The following WDR41 variants were observed in gnomAD, a reference collection of about 807,000 sequenced individuals.
The protein encoded by WDR41 is WD repeat domain 41, also known as WD repeat-containing protein 41.
A neutral mutation model predicts 69.3 loss-of-function variants in WDR41; 63 were observed. The ratio of observed to expected loss-of-function variants is 0.91; its 90% CI spans 0.74 to 1.12. The LOEUF (loss-of-function observed/expected upper bound fraction) is 1.12, where lower values mean the gene tolerates loss of function less well. Ranked by LOEUF, WDR41 falls within the 50% of genes most tolerant of loss-of-function variation. The pLI is 0.00. For synonymous variants in WDR41, 185 were observed against 192.1 expected, an observed-to-expected ratio of 0.96 and a Z score of 0.31; for missense variants, 543 against 534.5, an observed-to-expected ratio of 1.02 and a Z score of -0.16.
At chr5:77,575,746 C>T (rs1743819601) in intron 1 of WDR41, among the ~76,000 whole-genome samples, 1 of 148,038 alleles carries the variant, frequency 6.8e-6, no homozygotes, top group Non-Finnish European at 1.5e-5. Context: ...GGAAGTATTA[C>T]AAGAGAAACT....
intron 1 of WDR41, among the ~76,000 whole-genome samples, chr5:77,595,025 A>G (rs546582629): frequency 1.3e-3 from 198 of 152,324 alleles, no homozygotes; most frequent in African/African-American, 4.4e-3. Context: ...CTTTTTACAG[A>G]GGAGAGAAAA....
At chr5:77,465,834 T>C (rs1319779157) in intron 2 of WDR41, among the ~76,000 whole-genome samples, 1 of 151,942 alleles carries the variant, frequency 6.6e-6, no homozygotes, top group Non-Finnish European at 1.5e-5. Context: ...TCTGTTCTAA[T>C]GGATTTTTTA....
intron 2 of WDR41, among the ~76,000 whole-genome samples, chr5:77,469,848 C>T (rs1201122860): frequency 6.6e-6 from 1 of 152,134 alleles, no homozygotes; most frequent in Non-Finnish European, 1.5e-5. Flanking sequence ...AGTTGGAAAA[C>T]ACTCTGCAGG....
intron 1 of WDR41, among the ~76,000 whole-genome samples, chr5:77,503,228 A>C (rs908207970): frequency 6.6e-6 from 1 of 150,510 alleles, no homozygotes; most frequent in Non-Finnish European, 1.5e-5. Context: ...TTGCCATCCT[A>C]GTCTCTGATA....
At position 77,436,295 on chromosome 5, in the gene WDR41, A is replaced by G. The variant is rs746180861; in HGVS notation, c.1193T>C (p.Ile398Thr). The change falls in exon 12 of 13, where the codon ATT becomes ACT. Residue 398 changes from isoleucine (I) to threonine (T), a missense_variant. By Grantham distance (89) the Ile-to-Thr change is moderately conservative. Coordinates refer to ENST00000296679, the MANE Select transcript of WDR41 (RefSeq NM_018268.4). The part of the protein sequence containing the change: ...ENATSCSLEL[I>T]GDLIGHSSSV... ...TGATGAGTGTCCAATCAAATCTCCAATAAGCTCCAGTGAACATGAAGTAGC... is the reference window on the plus strand; with the variant it reads ...TGATGAGTGTCCAATCAAATCTCCAGTAAGCTCCAGTGAACATGAAGTAGC... 9.9e-6 allele frequency: 16 copies of G among 1,614,012 alleles called. No individual in the cohort carries two copies. Among genetic ancestry groups the G allele is most frequent in the Middle Eastern group, 1.6e-4 (1 of 6,082 alleles).
In WDR41 at chr5:77,491,221, C is replaced by G. The variant is rs1207316113; in HGVS notation, c.51+949G>C. ...GTAAAAGTCCTTTTCCTGGCTCATC[C>G]TGGCTCAAAAAGCTCCCCTGAGCAC... On this transcript the variant is annotated intron_variant, in intron 1 of 12. Coordinates refer to ENST00000296679, the MANE Select transcript of WDR41 (RefSeq NM_018268.4). 2.5e-5 allele frequency: 10 copies of G among 392,252 alleles called. No homozygotes were observed. In the East Asian group the frequency reaches 4.1e-4, roughly 16 times the overall value. The allele number at this position is 392,252 out of a possible 1,614,324, so 24.3% of individuals were successfully genotyped here.
intron 2 of WDR41, among the ~76,000 whole-genome samples, chr5:77,487,788 G>T (rs1302499893): frequency 2.0e-5 from 3 of 152,170 alleles, no homozygotes; most frequent in Non-Finnish European, 4.4e-5. Context: ...TGGGCTTTCT[G>T]CTACCAGTCA....
At chr5:77,468,833 T>C (rs1191228840) in intron 2 of WDR41, among the ~76,000 whole-genome samples, 1 of 152,154 alleles carries the variant, frequency 6.6e-6, no homozygotes, top group Non-Finnish European at 1.5e-5. Context: ...CATGATCATC[T>C]CATCATTTTT....
At chr5:77,589,190 G>A (rs1285555593) in intron 1 of WDR41, among the ~76,000 whole-genome samples, 2 of 152,124 alleles carry the variant, frequency 1.3e-5, no homozygotes, top group Non-Finnish European at 2.9e-5. Flanking sequence ...ATTTTAGCAG[G>A]TATGTGAATT....
At chr5:77,470,280 A>G (rs936967787) in intron 2 of WDR41, among the ~76,000 whole-genome samples, 7 of 152,218 alleles carry the variant, frequency 4.6e-5, no homozygotes, top group African/African-American at 1.7e-4. Flanking sequence ...TGAAGGAAGC[A>G]CTAAACATGG....
chr5:77,575,824 G>GA (rs1175798785), intron 1 of WDR41, among the ~76,000 whole-genome samples: 2 of 152,014 alleles, frequency 1.3e-5, no homozygotes, highest in African/African-American at 4.8e-5. Flanking sequence ...TGGAGAAATG[G>GA]AAAAAGCAAG....
rs151111940 is a variant in WDR41 at position 77,456,651 on chromosome 5, T to A, written c.411+2411A>T. On this transcript the variant is annotated intron_variant, in intron 5 of 12. Coordinates refer to ENST00000296679, the MANE Select transcript of WDR41 (RefSeq NM_018268.4). ...GCTGACAGCAGACATCCTTATCTTG[T>A]GCCTGATCTTTGGGGGAAATTATTT... Among the ~76,000 whole-genome samples, 1,127 of 152,300 alleles carry A rather than the reference T, an allele frequency of 7.4e-3. 12 individuals are homozygous for A. The highest frequency in any genetic ancestry group is 0.031 in the Middle Eastern group (9 of 294).
chr5:77,453,885 C>G lies in WDR41; in HGVS notation c.455G>C (p.Gly152Ala). The change falls in exon 6 of 13, where the codon GGG becomes GCG. Residue 152 changes from glycine (G) to alanine (A), a missense_variant. Gly to Ala is a moderately conservative substitution (Grantham distance 60, BLOSUM62 0). Coordinates refer to ENST00000296679, the MANE Select transcript of WDR41 (RefSeq NM_018268.4). ...LQRLDVWLSGGNDLCVWNRKL... is the reference protein window; with the variant it reads ...LQRLDVWLSGANDLCVWNRKL... ...TCGGTTCCACACACACAGGTCATTC[C>G]CACCAGAAAGCCAAACATCTAGTCT... The G allele has an allele frequency of 1.9e-6, 3 of 1,614,004 alleles. No homozygotes were observed. Among genetic ancestry groups the G allele is most frequent in the Non-Finnish European group, 2.5e-6 (3 of 1,179,984 alleles).
chr5:77,470,247 C>T (rs1284654193), intron 2 of WDR41, among the ~76,000 whole-genome samples: 2 of 152,072 alleles, frequency 1.3e-5, no homozygotes, highest in African/African-American at 4.8e-5. Flanking sequence ...TTGTCACCAC[C>T]AGGCCTGTCT....
intron 2 of WDR41, among the ~76,000 whole-genome samples, chr5:77,473,746 T>C (rs887403354): frequency 1.3e-5 from 2 of 152,182 alleles, no homozygotes; most frequent in Non-Finnish European, 2.9e-5. Flanking sequence ...CACAATGATA[T>C]ACCATCTCAC....
chr5:77,570,967 ACAG>A (rs1201961819), intron 1 of WDR41, among the ~76,000 whole-genome samples: 2 of 151,352 alleles, frequency 1.3e-5, no homozygotes, highest in African/African-American at 4.9e-5. Flanking sequence ...AACTCAGTTC[ACAG>A]TGTTTTATGA....
chr5:77,483,215 G>A (rs1227599700), intron 2 of WDR41, among the ~76,000 whole-genome samples: 2 of 152,074 alleles, frequency 1.3e-5, no homozygotes, highest in Non-Finnish European at 2.9e-5. Context: ...ACAGCTCACT[G>A]CAGCCTCAAC....
intron 4 of WDR41, among the ~76,000 whole-genome samples, chr5:77,460,445 T>G (rs148272404): frequency 3.0e-4 from 46 of 152,296 alleles, no homozygotes; most frequent in African/African-American, 1.1e-3. Context: ...TTCACTTATT[T>G]CACTATTCAC....
rs537053023 is a variant in WDR41, at chr5:77,592,480, C to T, written c.42+27999G>A. 7.2e-5 allele frequency among the ~76,000 whole-genome samples: 11 copies of T among 152,146 alleles called. No individual in the cohort carries two copies. The East Asian group carries it at 1.3e-3, about 19-fold the overall frequency. On this transcript the variant is annotated intron_variant, in intron 1 of 5. Transcript: ENST00000509971. ...CTGTCTGTGGACTTATTATTTGTGT[C>T]GGCAGATCTCCAGACCACCCTCAGG...
Sources: allele counts gnomAD v4.1 joint callset (sites outside exome capture counted in the v4.1 genomes callset), GRCh38; gene constraint gnomAD v4.1.1; transcripts MANE v1.5; gene names NCBI Gene and HGNC (gene_info 2026-07-23, HGNC 2026-07-21).